The following NEBL variants were observed in gnomAD, a reference collection of about 807,000 sequenced individuals.
NEBL encodes nebulette.
In NEBL, 122 loss-of-function variants were observed where a neutral mutation model predicts 140.2. The observed-to-expected ratio is 0.87, with a 90% CI of 0.75 to 1.01. The LOEUF is 1.01. NEBL is among the 50% of genes least tolerant of loss of function. The pLI, the probability that NEBL is intolerant of heterozygous loss-of-function variation, is 0.00. For synonymous variants in NEBL, 436 were observed against 398.9 expected (o/e 1.09, Z -1.11); for missense variants, 1,365 against 1,231.3 (o/e 1.11, Z -1.62).
At chr10:21,085,411 C>T (rs1281462954) in intron 2 of NEBL, among the ~76,000 whole-genome samples, 1 of 152,128 alleles carries the variant, frequency 6.6e-6, no homozygotes, top group Admixed American at 6.6e-5. Flanking sequence ...TGCTTGAAGC[C>T]AGGAGTTCGA....
chr10:21,183,326 C>T (rs1038566941), intron 3 of NEBL, among the ~76,000 whole-genome samples: 7 of 152,026 alleles, frequency 4.6e-5, no homozygotes, highest in African/African-American at 1.2e-4. Context: ...GAAAGAAAGG[C>T]GTGAGGACAA....
Position 20,781,727 on chromosome 10 carries a change from G to C in NEBL, c.*4020C>G, listed in dbSNP as rs1835049346. 1 of 152,564 alleles carries C rather than the reference G, an allele frequency of 6.6e-6. No homozygotes were observed. The highest frequency in any genetic ancestry group is 2.4e-5 in the African/African-American group (1 of 41,444). 9.5% of individuals were successfully genotyped at this position (152,564 alleles called of 1,614,324 possible). On this transcript the variant is annotated 3_prime_UTR_variant, in exon 28 of 28. Coordinates refer to ENST00000377122, the MANE Select transcript of NEBL (RefSeq NM_006393.3). ...AATAACCACAGAAGCAACATACAAT[G>C]CCTTGACTTTTTTGATCAACAGTTG...
At chr10:21,029,762 G>A (rs1402456286) in intron 2 of NEBL, 8 of 778,342 alleles carry the variant, frequency 1.0e-5, no homozygotes, top group South Asian at 4.3e-5. Context: ...TATGGCTGGC[G>A]GTAGGGATCG....
chr10:21,109,641 G>A (rs1017909848), intron 2 of NEBL, among the ~76,000 whole-genome samples: 3 of 151,944 alleles, frequency 2.0e-5, no homozygotes, highest in Non-Finnish European at 4.4e-5. Context: ...GACTTTTTTT[G>A]TTTGGTAGGC....
At chr10:21,072,233 A>T (rs976241074) in intron 2 of NEBL, among the ~76,000 whole-genome samples, 1 of 151,720 alleles carries the variant, frequency 6.6e-6, no homozygotes, top group East Asian at 1.9e-4. Context: ...TTCAATCCCT[A>T]TCTTAGTCTC....
At chr10:20,892,304 C>A (rs912830039) in intron 2 of NEBL, among the ~76,000 whole-genome samples, 1 of 152,224 alleles carries the variant, frequency 6.6e-6, no homozygotes, top group African/African-American at 2.4e-5. Context: ...TGCTGCACAA[C>A]CCTGTGACAT....
intron 4 of NEBL, among the ~76,000 whole-genome samples, chr10:20,904,104 T>C (rs1248096307): frequency 1.3e-5 from 2 of 152,178 alleles, no homozygotes; most frequent in Non-Finnish European, 2.9e-5. Flanking sequence ...GTTATGTGCA[T>C]GTGTTCTCTT....
At chr10:21,137,416 T>A (rs548297821) in intron 2 of NEBL, among the ~76,000 whole-genome samples, 1 of 152,324 alleles carries the variant, frequency 6.6e-6, no homozygotes, top group African/African-American at 2.4e-5. Context: ...CATTTATAAC[T>A]CTGAAAAACT....
chr10:21,117,426 C>G (rs1469206712), intron 2 of NEBL, among the ~76,000 whole-genome samples: 1 of 152,108 alleles, frequency 6.6e-6, no homozygotes, highest in Non-Finnish European at 1.5e-5. Flanking sequence ...TGAATTCTAG[C>G]AGCCTTAGCC....
chr10:21,161,154 T>C (rs775611915), intron 2 of NEBL, among the ~76,000 whole-genome samples: 5 of 152,232 alleles, frequency 3.3e-5, no homozygotes, highest in Non-Finnish European at 7.3e-5. Flanking sequence ...CAGATCCTTA[T>C]AGAAAGATAT....
At position 21,247,195 on chromosome 10, in the gene NEBL, C is replaced by T. The variant is rs185485347; in HGVS notation, n.348+726G>A. 5.9e-5 allele frequency among the ~76,000 whole-genome samples: 9 copies of T among 152,284 alleles called. No homozygotes were observed. The East Asian group carries it at 1.7e-3, about 29-fold the overall frequency. Reference sequence around the variant, plus strand: ...ACTGTAAGTCAATTAAACCTCTTTCCTTCATAAATTACCCAGTCTCACAGT... The same window carrying T: ...ACTGTAAGTCAATTAAACCTCTTTCTTTCATAAATTACCCAGTCTCACAGT... On this transcript the variant is annotated intron_variant and non_coding_transcript_variant, in intron 3 of 8. Transcript: ENST00000675702.
intron 2 of NEBL, chr10:21,029,013 A>G: frequency 1.4e-6 from 1 of 725,544 alleles, no homozygotes; most frequent in South Asian, 1.8e-5. Flanking sequence ...CGGCCTCAGC[A>G]AAAAAGACGA....
At chr10:21,196,601 T>C (rs1841656476) in intron 3 of NEBL, among the ~76,000 whole-genome samples, 1 of 152,128 alleles carries the variant, frequency 6.6e-6, no homozygotes, top group Admixed American at 6.5e-5. Context: ...CGCCTCAGTC[T>C]CCCAAAGTGC....
At chr10:20,797,812 T>C (rs1166726870) in intron 26 of NEBL, among the ~76,000 whole-genome samples, 2 of 151,772 alleles carry the variant, frequency 1.3e-5, no homozygotes, top group Non-Finnish European at 2.9e-5. Context: ...AGGACCAGAA[T>C]GAAAAATATA....
intron 26 of NEBL, among the ~76,000 whole-genome samples, chr10:20,803,437 T>C (rs1375145909): frequency 1.3e-5 from 2 of 152,172 alleles, no homozygotes; most frequent in East Asian, 3.8e-4. Flanking sequence ...AAATAGTCCA[T>C]TATAGCAGTG....
Position 21,278,847 on chromosome 10 carries a change from T to A in NEBL, n.182+13983A>T, listed in dbSNP as rs1376298043. Among the ~76,000 whole-genome samples the A allele has an allele frequency of 3.3e-5, 5 of 152,040 alleles. No individual in the cohort carries two copies. The East Asian group carries it at 9.6e-4, about 29-fold the overall frequency. ...CAAGGTTAGAATCAGGCCTCCTCAC[T>A]CCCCGCAAGGCCTGTCCACCACACT... On this transcript the variant is annotated intron_variant and non_coding_transcript_variant, in intron 1 of 8. Transcript: ENST00000675702.
intron 9 of NEBL, among the ~76,000 whole-genome samples, chr10:20,856,896 G>A (rs1166552700): frequency 1.3e-5 from 2 of 151,968 alleles, no homozygotes; most frequent in Admixed American, 6.6e-5. Context: ...GCACATTGGT[G>A]CCATCTCAGC....
chr10:20,831,146 C>A (rs1840370683), intron 16 of NEBL, 50 bp downstream of exon 16: 1 of 1,257,810 alleles, frequency 8.0e-7, no homozygotes, highest in African/African-American at 1.5e-5. Flanking sequence ...AAGCACATGG[C>A]AACATGACAT....
chr10:21,028,495 A>G (rs2131797893), intron 2 of NEBL, among the ~76,000 whole-genome samples: 1 of 152,258 alleles, frequency 6.6e-6, no homozygotes, highest in African/African-American at 2.4e-5. Flanking sequence ...CATTGTGTGG[A>G]ATAATAACAG....
Sources: gnomAD v4.1 joint callset for allele counts (sites outside exome capture counted in the v4.1 genomes callset) on GRCh38, gnomAD v4.1.1 for gene constraint, MANE v1.5 for transcripts, NCBI Gene and HGNC (gene_info 2026-07-23, HGNC 2026-07-21) for gene names.